The following ME3 variants were observed in gnomAD, a reference collection of about 807,000 sequenced individuals.
ME3 encodes NADP-dependent malic enzyme, mitochondrial.
ME3 carries 48 observed loss-of-function variants against 68.9 expected under a neutral mutation model. The observed-to-expected ratio is 0.70, with a 90% CI of 0.55 to 0.89. The LOEUF is 0.89. Among genes scored for constraint, ME3 ranks in the 40% least tolerant of loss-of-function variants. The pLI is 0.00. For synonymous variants in ME3, 320 were observed against 318.8 expected (o/e 1.00, Z -0.04); for missense variants, 675 against 797.4 (o/e 0.85, Z 1.85).
chr11:86,671,956 G>A lies in ME3; in HGVS notation c.-12C>T, dbSNP rs528831590. On this transcript the variant is annotated splice_region_variant and 5_prime_UTR_variant, in exon 2 of 15. Coordinates refer to ENST00000543262, the Ensembl canonical transcript of ME3. ...AGCGCGGCACCCATGGTCCTTGGCA[G>A]ACCTGGCACGGGAGAGAAAGCAAGG... is the stretch of plus-strand genomic sequence containing the variant. 6 of 1,400,242 alleles carry A rather than the reference G, an allele frequency of 4.3e-6. No individual in the cohort carries two copies. In the East Asian group the frequency reaches 1.5e-4, roughly 35 times the overall value. The allele number at this position is 1,400,242 out of a possible 1,614,324, so 86.7% of individuals were successfully genotyped here.
At chr11:86,619,055 C>T (rs767012829) in intron 2 of ME3, among the ~76,000 whole-genome samples, 2 of 152,144 alleles carry the variant, frequency 1.3e-5, no homozygotes, top group Non-Finnish European at 2.9e-5. Flanking sequence ...CCCCCCAACC[C>T]GCCATTGCTC....
At chr11:86,457,157 G>T (rs1949987083) in intron 8 of ME3, among the ~76,000 whole-genome samples, 2 of 152,034 alleles carry the variant, frequency 1.3e-5, no homozygotes, top group Admixed American at 6.5e-5. Context: ...ATTCAATTTT[G>T]CCCTCTCTAC....
chr11:86,587,769 C>A (rs1168400929), intron 2 of ME3, among the ~76,000 whole-genome samples: 4 of 152,196 alleles, frequency 2.6e-5, no homozygotes, highest in Non-Finnish European at 4.4e-5. Flanking sequence ...AATAACCGGT[C>A]TCTCTCATTT....
chr11:86,600,606 T>C (rs1399222312), intron 2 of ME3, among the ~76,000 whole-genome samples: 5 of 151,414 alleles, frequency 3.3e-5, no homozygotes, highest in Admixed American at 6.6e-5. Context: ...GCGGACCTAA[T>C]AGACATCTAC....
intron 2 of ME3, among the ~76,000 whole-genome samples, chr11:86,570,777 A>G (rs1957746247): frequency 6.6e-6 from 1 of 152,178 alleles, no homozygotes; most frequent in African/African-American, 2.4e-5. Context: ...TGACGTACAC[A>G]GAAGTTCTTG....
chr11:86,519,029 A>G (rs1954081403), intron 4 of ME3, among the ~76,000 whole-genome samples: 1 of 152,180 alleles, frequency 6.6e-6, no homozygotes, highest in Non-Finnish European at 1.5e-5. Context: ...TTGCTGTTAG[A>G]ACTATGAGAA....
intron 2 of ME3, among the ~76,000 whole-genome samples, chr11:86,648,448 T>G (rs1288560272): frequency 1.4e-5 from 2 of 146,570 alleles, no homozygotes; most frequent in Non-Finnish European, 3.0e-5. Context: ...ATTCAAAAGC[T>G]AGCAGAAGAC....
intron 4 of ME3, among the ~76,000 whole-genome samples, chr11:86,534,356 T>G (rs1955498723): frequency 6.6e-6 from 1 of 152,172 alleles, no homozygotes; most frequent in Non-Finnish European, 1.5e-5. Context: ...AAGTTAATTT[T>G]TTTCTCTTTG....
intron 7 of ME3, among the ~76,000 whole-genome samples, chr11:86,473,005 G>C (rs925428005): frequency 6.6e-6 from 1 of 152,246 alleles, no homozygotes; most frequent in Non-Finnish European, 1.5e-5. Context: ...CATGAGGTCA[G>C]CGGAGGGGAA....
intron 4 of ME3, among the ~76,000 whole-genome samples, chr11:86,509,290 G>A (rs1490067459): frequency 6.6e-6 from 1 of 152,184 alleles, no homozygotes; most frequent in Non-Finnish European, 1.5e-5. Context: ...ACTGAAACTT[G>A]GACATGGGGG....
intron 2 of ME3, among the ~76,000 whole-genome samples, chr11:86,629,012 C>A (rs1356030422): frequency 6.6e-6 from 1 of 152,236 alleles, no homozygotes; most frequent in African/African-American, 2.4e-5. Flanking sequence ...CTTGCATTAA[C>A]AATTCCAATT....
rs189557199 is a variant in ME3 at position 86,650,145 on chromosome 11, A to G, written c.183+21617T>C. 8.1e-4 allele frequency among the ~76,000 whole-genome samples: 124 copies of G among 152,318 alleles called. 1 individual carries two copies. The highest frequency in any genetic ancestry group is 2.9e-3 in the African/African-American group (119 of 41,566). ...ATGGAACAGAACAGAGACCTCAGAA[A>G]TAATACCACATATCTACAACCATCT... On this transcript the variant is annotated intron_variant, in intron 2 of 14. Coordinates refer to ENST00000543262, the Ensembl canonical transcript of ME3.
At chr11:86,606,458 G>A (rs1222096825) in intron 2 of ME3, among the ~76,000 whole-genome samples, 3 of 152,204 alleles carry the variant, frequency 2.0e-5, no homozygotes, top group Non-Finnish European at 2.9e-5. Flanking sequence ...CACTGGCCCT[G>A]ACCCTAAAGA....
At chr11:86,636,899 A>G (rs753184496) in intron 2 of ME3, among the ~76,000 whole-genome samples, 1 of 152,220 alleles carries the variant, frequency 6.6e-6, no homozygotes, top group East Asian at 1.9e-4. Context: ...GCAGCTGGTA[A>G]GTAGCAGAGT....
intron 2 of ME3, among the ~76,000 whole-genome samples, chr11:86,638,538 T>C (rs1353303187): frequency 6.6e-6 from 1 of 152,222 alleles, no homozygotes; most frequent in African/African-American, 2.4e-5. Flanking sequence ...ATGTGAAGTG[T>C]AGGCTAAGGG....
intron 7 of ME3, among the ~76,000 whole-genome samples, chr11:86,483,048 T>C (rs1477509865): frequency 6.6e-6 from 1 of 152,224 alleles, no homozygotes; most frequent in Non-Finnish European, 1.5e-5. Flanking sequence ...TGGAATCTTA[T>C]CTCCTTGTTT....
chr11:86,536,990 C>A (rs2139315962), intron 4 of ME3, among the ~76,000 whole-genome samples: 1 of 151,736 alleles, frequency 6.6e-6, no homozygotes, highest in African/African-American at 2.4e-5. Context: ...TTTGTAGGGA[C>A]ATGGATGAAA....
Position 86,476,417 on chromosome 11 carries a change from G to A in ME3, c.809+10920C>T, listed in dbSNP as rs554593872. ...AGGGCAAAGTACAAGGCTTCTATAT[G>A]TGGAGCCTCTGAATAGGTCAGTATC... On this transcript the variant is annotated intron_variant, in intron 7 of 14. Coordinates refer to ENST00000543262, the Ensembl canonical transcript of ME3. Among the ~76,000 whole-genome samples, 12 of 152,322 alleles carry A rather than the reference G, an allele frequency of 7.9e-5. No homozygotes were observed. The South Asian group carries it at 2.5e-3, about 32-fold the overall frequency.
intron 7 of ME3, among the ~76,000 whole-genome samples, chr11:86,485,210 C>G (rs1951617427): frequency 6.6e-6 from 1 of 152,152 alleles, no homozygotes; most frequent in Non-Finnish European, 1.5e-5. Context: ...GAAAGAAGAG[C>G]TTTTAGAATC....
Sources: gnomAD v4.1 joint callset for allele counts (sites outside exome capture counted in the v4.1 genomes callset) on GRCh38, gnomAD v4.1.1 for gene constraint, MANE v1.5 for transcripts, NCBI Gene and HGNC (gene_info 2026-07-23, HGNC 2026-07-21) for gene names.